The following LONP1 variants were observed in gnomAD, a reference collection of about 807,000 sequenced individuals.
LONP1 encodes the protein lon protease homolog, mitochondrial.
A neutral mutation model predicts 98.5 loss-of-function variants in LONP1; 31 were observed. The ratio of observed to expected loss-of-function variants is 0.31; its 90% confidence interval spans 0.24 to 0.42. LONP1 has a LOEUF of 0.42. Ranked by LOEUF, LONP1 falls within the 20% of genes least tolerant of loss-of-function variation. LONP1 has a pLI of 1.00. For synonymous variants in LONP1, 781 were observed against 594.7 expected (o/e 1.31, Z -4.56); for missense variants, 1,336 against 1,350.6 (o/e 0.99, Z 0.17).
chr19:5,694,708 C>A, intron 14 of LONP1, 53 bp downstream of exon 14: 5 of 1,576,042 alleles, frequency 3.2e-6, no homozygotes, highest in Non-Finnish European at 2.6e-6. Context: ...GGGTGATCAG[C>A]GTGGGATGGT....
intron 8 of LONP1, among the ~76,000 whole-genome samples, chr19:5,702,420 G>A (rs559611406): frequency 1.3e-3 from 193 of 148,954 alleles, no homozygotes; most frequent in Non-Finnish European, 2.2e-3. Flanking sequence ...CTGCCCGGCC[G>A]CCCCTACTGG....
intron 1 of LONP1, among the ~76,000 whole-genome samples, chr19:5,716,038 A>G (rs2055312872): frequency 6.6e-6 from 1 of 151,530 alleles, no homozygotes; most frequent in Non-Finnish European, 1.5e-5. Context: ...ATTTCTTTCA[A>G]GCCTTTGTTA....
In LONP1 at chr19:5,692,206, GGCCTGGGGGCAGAGTCAGGGTCAGCCCT is replaced by G; in HGVS notation, c.2704-26_2705del. The G allele has an allele frequency of 6.2e-7, 1 of 1,610,178 alleles. No individual in the cohort carries two copies. The highest frequency in any genetic ancestry group is 8.5e-7 in the Non-Finnish European group (1 of 1,177,432). ...CGATGCACGTCACCCCTGCGCGCTT[GGCCTGGGGGCAGAGTCAGGGTCAGCCCT>G]GCCTGGGCCTGTGGGAGGGCAGCAG... is the stretch of plus-strand genomic sequence containing the variant. On this transcript the variant is annotated splice_acceptor_variant and splice_polypyrimidine_tract_variant and coding_sequence_variant and intron_variant, in exon 18 of 18. Coordinates refer to ENST00000360614, the MANE Select transcript of LONP1 (RefSeq NM_004793.4). LOFTEE classifies it high-confidence loss of function.
Position 5,720,133 on chromosome 19 carries a change from A to C in LONP1, c.-1T>G. 9.9e-6 allele frequency: 14 copies of C among 1,409,064 alleles called. No homozygotes were observed. The highest frequency in any genetic ancestry group is 1.2e-5 in the Non-Finnish European group (13 of 1,089,700). The allele number at this position is 1,409,064 out of a possible 1,614,324, so 87.3% of individuals were successfully genotyped here. On this transcript the variant is annotated 5_prime_UTR_variant, in exon 1 of 18. Coordinates refer to ENST00000360614, the MANE Select transcript of LONP1 (RefSeq NM_004793.4). ...GCACGTAGCCAGTGCTCGCCGCCAT[A>C]GCCCGGCCATACTGGCGGCTCACAC... is the stretch of plus-strand genomic sequence containing the variant.
rs1343885552 is a variant in LONP1 at position 5,720,026 on chromosome 19, C to T, written c.107G>A (p.Gly36Glu). The change falls in exon 1 of 18, where the codon GGA (glycine) becomes GAA (glutamate). Residue 36 changes from glycine (G) to glutamate (E), a missense_variant. Coordinates refer to ENST00000360614, the MANE Select transcript of LONP1 (RefSeq NM_004793.4). The stretch of plus-strand genomic sequence containing the variant: ...CCGCTGGCCTCGGAGCAACCACGCT[C>T]CTGCTGCAGTGGGAACCCGCCCCCC... ...AAGGRVPTAA[G>E]AWLLRGQRTC... 6 of 1,564,042 alleles carry T rather than the reference C, an allele frequency of 3.8e-6. No individual in the cohort carries two copies. The highest frequency in any genetic ancestry group is 5.2e-6 in the Non-Finnish European group (6 of 1,158,250).
At position 5,720,138 on chromosome 19, in the gene LONP1, G is replaced by A. The variant is rs2055416123; in HGVS notation, c.-6C>T. 7.2e-7 allele frequency: 1 copy of A among 1,394,664 alleles called. No homozygotes were observed. Among genetic ancestry groups the A allele is most frequent in the Non-Finnish European group, 9.2e-7 (1 of 1,081,528 alleles). The allele number at this position is 1,394,664 out of a possible 1,614,324, so 86.4% of individuals were successfully genotyped here. On this transcript the variant is annotated 5_prime_UTR_variant, in exon 1 of 18. Transcript: ENST00000360614. Reference sequence around the variant, plus strand: ...TAGCCAGTGCTCGCCGCCATAGCCCGGCCATACTGGCGGCTCACACAACTC... The same window carrying A: ...TAGCCAGTGCTCGCCGCCATAGCCCAGCCATACTGGCGGCTCACACAACTC...
At position 5,700,864 on chromosome 19, in the gene LONP1, G is replaced by A. The variant is rs751383049; in HGVS notation, c.1431C>T (p.Asn477=). 10 of 1,614,096 alleles carry A rather than the reference G, an allele frequency of 6.2e-6. No individual in the cohort carries two copies. The highest frequency in any genetic ancestry group is 1.7e-5 in the Admixed American group (1 of 60,004). ...SIPWGKYSNE[N]LDLARAQAVL... ...CTGCCTGTGCCCGCGCCAGGTCCAG[G>A]TTCTCGTTGCTGTACTTGCCCCAAG... Residue 477 remains asparagine (N), a synonymous_variant, in exon 9 of 18, where the codon AAC becomes AAT. Coordinates refer to ENST00000360614, the MANE Select transcript of LONP1 (RefSeq NM_004793.4).
intron 6 of LONP1, among the ~76,000 whole-genome samples, 189 bp downstream of exon 6, chr19:5,707,508 G>A (rs907618986): frequency 4.6e-5 from 7 of 152,170 alleles, no homozygotes; most frequent in African/African-American, 9.7e-5. Context: ...ACCAAGACAC[G>A]CAGCGGGAAA....
intron 8 of LONP1, among the ~76,000 whole-genome samples, chr19:5,702,442 C>T (rs924382923): frequency 1.3e-5 from 2 of 149,568 alleles, no homozygotes; most frequent in African/African-American, 2.5e-5. Context: ...AAGTGAGGAG[C>T]CCCTCTGCCT....
At position 5,708,403 on chromosome 19, in the gene LONP1, C is replaced by T; in HGVS notation, c.871G>A (p.Ala291Thr). ...GTCTTCACGATCTCTGCAGTCAGGG[C>T]CTGCCAAGTATGGGGCAGGGTCGCT... ...EDFQVTEEVK[A>T]LTAEIVKTIR... The change falls in exon 5 of 18, where the codon GCC (alanine) becomes ACC (threonine). Residue 291 changes from alanine to threonine, a missense_variant and splice_region_variant. Ala to Thr is a moderately conservative substitution (Grantham distance 58, BLOSUM62 0). This residue lies in a region of LONP1 where 97 missense variants were observed against 139.0 expected (regional missense o/e 0.70). Coordinates refer to ENST00000360614, the MANE Select transcript of LONP1 (RefSeq NM_004793.4). The T allele has an allele frequency of 7.9e-7, 1 of 1,267,142 alleles. No homozygotes were observed. Among genetic ancestry groups the T allele is most frequent in the East Asian group, 2.5e-5 (1 of 40,290 alleles). 78.5% of individuals were successfully genotyped at this position (1,267,142 alleles called of 1,614,324 possible).
intron 1 of LONP1, 110 bp downstream of exon 1, chr19:5,719,594 C>T: frequency 1.9e-6 from 3 of 1,563,518 alleles, no homozygotes; most frequent in Non-Finnish European, 2.6e-6. Flanking sequence ...CTTCGAGAAA[C>T]TTCATGTCTG....
chr19:5,696,527 G>C (rs2054932341), intron 11 of LONP1, 143 bp downstream of exon 11: 7 of 1,293,632 alleles, frequency 5.4e-6, no homozygotes, highest in Middle Eastern at 2.3e-4. Flanking sequence ...CTGTGGGTGG[G>C]AGGGACCCGT....
chr19:5,696,551 G>T (rs1012171813), intron 11 of LONP1, 119 bp downstream of exon 11: 19 of 1,296,530 alleles, frequency 1.5e-5, no homozygotes, highest in Non-Finnish European at 1.8e-5. Flanking sequence ...TGCCATCAGG[G>T]CCAGCATCAC....
chr19:5,696,118 C>T lies in LONP1; in HGVS notation c.1949G>A (p.Arg650Gln), dbSNP rs186834921. ...NVTDTIPEPL[R>Q]DRMEMINVSG... is the part of the protein sequence containing the mutation. ...CACGTTGATCATCTCCATACGGTCT[C>T]GCAGCGGCTCGGGGATGGTGTCCGT... The change falls in exon 13 of 18, where the codon CGA becomes CAA. Residue 650 changes from arginine (R) to glutamine (Q), a missense_variant. Coordinates refer to ENST00000360614, the MANE Select transcript of LONP1 (RefSeq NM_004793.4). The T allele has an allele frequency of 2.4e-5, 39 of 1,613,122 alleles. No individual in the cohort carries two copies. In the East Asian group the frequency reaches 4.5e-4, roughly 18 times the overall value.
At chr19:5,694,732 G>A (rs777793017) in intron 14 of LONP1, 29 bp downstream of exon 14, 4 of 1,579,760 alleles carry the variant, frequency 2.5e-6, no homozygotes, top group Non-Finnish European at 3.5e-6. Flanking sequence ...GTGGGCGGCA[G>A]GTGCCAGGAG....
chr19:5,696,794 G>C (rs1416890798), intron 10 of LONP1, 37 bp from the exon 11 acceptor site: 2 of 1,444,490 alleles, frequency 1.4e-6, no homozygotes, highest in African/African-American at 1.4e-5. Context: ...TCACTTGGTA[G>C]CCTGGCTCGG....
chr19:5,693,781 G>A lies in LONP1; in HGVS notation c.2321-12C>T, dbSNP rs762344641. The A allele has an allele frequency of 8.1e-6, 13 of 1,610,910 alleles. No homozygotes were observed. In the East Asian group the frequency reaches 2.9e-4, roughly 36 times the overall value. On this transcript the variant is annotated splice_polypyrimidine_tract_variant and intron_variant, in intron 15 of 17. Coordinates refer to ENST00000360614, the MANE Select transcript of LONP1 (RefSeq NM_004793.4). ...CAGCGTGGAGCCTCCTGAAACAGGTGTGGAGCTGTGAACACGGGAGGCCTC... is the reference window on the plus strand; with the variant it reads ...CAGCGTGGAGCCTCCTGAAACAGGTATGGAGCTGTGAACACGGGAGGCCTC...
Position 5,713,087 on chromosome 19 carries a change from C to T in LONP1, c.638+47G>A, listed in dbSNP as rs376331277. 1.2e-4 allele frequency: 189 copies of T among 1,612,580 alleles called. 3 individuals carry two copies. In the South Asian group the frequency reaches 1.4e-3, roughly 12 times the overall value. ...ATAAGGCATCCTGGCTGGTCTCCCGCGTGGTACTCTGCCCCCACCTCCCAC... is the reference window on the plus strand; with the variant it reads ...ATAAGGCATCCTGGCTGGTCTCCCGTGTGGTACTCTGCCCCCACCTCCCAC... On this transcript the variant is annotated intron_variant, in intron 3 of 17. Transcript: ENST00000360614.
At chr19:5,716,726 CT>C (rs2055330519) in intron 1 of LONP1, among the ~76,000 whole-genome samples, 2 of 152,152 alleles carry the variant, frequency 1.3e-5, no homozygotes, top group Admixed American at 1.3e-4. Context: ...GACAATTTTA[CT>C]TTCTGAAGAA....
Sources: allele counts gnomAD v4.1 joint callset (sites outside exome capture counted in the v4.1 genomes callset), GRCh38; gene constraint gnomAD v4.1.1; regional missense constraint gnomAD v4.1.1; transcripts MANE v1.5; gene names NCBI Gene and HGNC (gene_info 2026-07-23, HGNC 2026-07-21).